The following ASIC2 variants were observed in gnomAD, a reference collection of about 807,000 sequenced individuals.
The protein encoded by ASIC2 is acid sensing ion channel subunit 2.
A neutral mutation model predicts 57.3 loss-of-function variants in ASIC2; 25 were observed. The observed-to-expected ratio is 0.44, with a 90% CI of 0.32 to 0.61. The LOEUF (loss-of-function observed/expected upper bound fraction) is 0.61, where lower values mean the gene tolerates loss of function less well. Ranked by LOEUF, ASIC2 falls within the 20% of genes least tolerant of loss-of-function variation. ASIC2 has a pLI of 0.06. For missense variants in ASIC2, 641 were observed against 738.1 expected (o/e 0.87, Z 1.52); for synonymous variants, 319 against 307.5 (o/e 1.04, Z -0.39).
intron 1 of ASIC2, among the ~76,000 whole-genome samples, chr17:33,446,631 T>C (rs1046655977): frequency 6.6e-6 from 1 of 152,194 alleles, no homozygotes; most frequent in Non-Finnish European, 1.5e-5. Flanking sequence ...GTTCTGTTTA[T>C]AAAACACTCT....
At chr17:33,685,383 A>G (rs984106154) in intron 1 of ASIC2, among the ~76,000 whole-genome samples, 1 of 152,088 alleles carries the variant, frequency 6.6e-6, no homozygotes, top group African/African-American at 2.4e-5. Context: ...CAACAGCCAG[A>G]AGGCTTCTGT....
At chr17:33,753,934 T>C (rs1304445415) in intron 1 of ASIC2, among the ~76,000 whole-genome samples, 2 of 152,206 alleles carry the variant, frequency 1.3e-5, no homozygotes, top group African/African-American at 4.8e-5. Flanking sequence ...ATCACACTAA[T>C]GCCTGTTGTT....
At chr17:33,150,919 A>G (rs60647462) in intron 1 of ASIC2, among the ~76,000 whole-genome samples, 32,749 of 148,664 alleles carry the variant, frequency 0.22, 3,856 homozygotes, top group African/African-American at 0.25. Flanking sequence ...AATCCCAGCT[A>G]TTCGGGAGGC....
chr17:33,582,484 T>C (rs1904476959), intron 1 of ASIC2, among the ~76,000 whole-genome samples: 1 of 151,984 alleles, frequency 6.6e-6, no homozygotes, highest in Admixed American at 6.6e-5. Flanking sequence ...CTAATCTCAG[T>C]TTGGTCTGCT....
At chr17:33,244,769 T>C (rs1192123956) in intron 1 of ASIC2, among the ~76,000 whole-genome samples, 2 of 152,200 alleles carry the variant, frequency 1.3e-5, no homozygotes, top group Non-Finnish European at 2.9e-5. Flanking sequence ...GTCTGACCAC[T>C]AACCCTGCCT....
intron 1 of ASIC2, among the ~76,000 whole-genome samples, chr17:33,698,911 G>GC (rs1417837662): frequency 2.0e-5 from 3 of 151,984 alleles, no homozygotes; most frequent in Admixed American, 1.3e-4. Context: ...AAACGCAGAT[G>GC]CCCCCCCTCT....
chr17:34,047,593 C>A (rs1209188573), intron 1 of ASIC2, among the ~76,000 whole-genome samples: 1 of 151,150 alleles, frequency 6.6e-6, no homozygotes, highest in East Asian at 1.9e-4. Context: ...TATATCCATG[C>A]CCTTTGCGGC....
At chr17:33,596,126 T>A (rs1904970829) in intron 1 of ASIC2, among the ~76,000 whole-genome samples, 1 of 152,156 alleles carries the variant, frequency 6.6e-6, no homozygotes, top group African/African-American at 2.4e-5. Context: ...ACCCGCCAAA[T>A]CTTGGAGCTC....
At chr17:33,995,348 C>A (rs1381442272) in intron 1 of ASIC2, among the ~76,000 whole-genome samples, 1 of 152,152 alleles carries the variant, frequency 6.6e-6, no homozygotes, top group Non-Finnish European at 1.5e-5. Flanking sequence ...GGCTTGAGAC[C>A]TGGAACCTGG....
Position 34,149,852 on chromosome 17 carries a change from T to C in ASIC2, c.555+6126A>G, listed in dbSNP as rs573156556. ...GGAAGTTCCTCAAAAAAATTAAAAA[T>C]AGAAGTACCATATGATCTAGCAATC... On this transcript the variant is annotated intron_variant, in intron 1 of 9. Transcript: ENST00000359872. Among the ~76,000 whole-genome samples, 275 of 152,228 alleles carry C rather than the reference T, an allele frequency of 1.8e-3. 1 individual carries two copies. The highest frequency in any genetic ancestry group is 6.5e-3 in the African/African-American group (269 of 41,538).
Position 34,016,348 on chromosome 17 carries a change from C to T in ASIC2, c.555+139630G>A, listed in dbSNP as rs571450559. 3.6e-5 allele frequency among the ~76,000 whole-genome samples: 5 copies of T among 138,694 alleles called. No individual in the cohort carries two copies. In the South Asian group the frequency reaches 7.0e-4, roughly 19 times the overall value. The allele number at this position is 138,694 out of a possible 152,430, so 91.0% of individuals were successfully genotyped here. A position where few individuals can be genotyped will look rare whatever the true frequency, so the allele number is the denominator to read the frequency against. On this transcript the variant is annotated intron_variant, in intron 1 of 9. Transcript: ENST00000359872. ...CTGAGGCAGGAGAACGGCGTGAACCCGGGAGGCGGAGCTTGCAGTGAGCTG... is the reference window on the plus strand; with the variant it reads ...CTGAGGCAGGAGAACGGCGTGAACCTGGGAGGCGGAGCTTGCAGTGAGCTG...
intron 1 of ASIC2, among the ~76,000 whole-genome samples, chr17:33,675,282 G>C (rs923073376): frequency 1.3e-5 from 2 of 152,110 alleles, no homozygotes; most frequent in African/African-American, 2.4e-5. Context: ...CTGGATTTGG[G>C]CATAGGCTCA....
intron 1 of ASIC2, among the ~76,000 whole-genome samples, chr17:34,023,479 G>T (rs1273529293): frequency 1.3e-5 from 2 of 152,032 alleles, no homozygotes. Context: ...ATTTGAATGT[G>T]TCCCCTCCAA....
At chr17:33,290,676 A>AT (rs1026503134) in intron 1 of ASIC2, 3 of 152,130 alleles carry the variant, frequency 2.0e-5, no homozygotes, top group Non-Finnish European at 4.4e-5. Flanking sequence ...CCACACTTAC[A>AT]TTTTATGGGG....
At chr17:33,115,983 C>T (rs1450165590) in intron 1 of ASIC2, among the ~76,000 whole-genome samples, 1 of 152,178 alleles carries the variant, frequency 6.6e-6, no homozygotes, top group Admixed American at 6.5e-5. Flanking sequence ...TGCCCAGCTC[C>T]CCTTCCCTCC....
chr17:33,595,418 T>G (rs1904951673), intron 1 of ASIC2, among the ~76,000 whole-genome samples: 1 of 152,228 alleles, frequency 6.6e-6, no homozygotes, highest in Non-Finnish European at 1.5e-5. Context: ...GGAGCCCGGT[T>G]GTTCTAAGGC....
chr17:33,373,985 A>AT (rs1312969207), intron 1 of ASIC2, among the ~76,000 whole-genome samples: 3 of 150,218 alleles, frequency 2.0e-5, no homozygotes, highest in East Asian at 2.0e-4. Context: ...GCTGTTCTTT[A>AT]TTTTTTATTT....
chr17:33,769,461 G>A (rs986300478), intron 1 of ASIC2, among the ~76,000 whole-genome samples: 7 of 152,196 alleles, frequency 4.6e-5, no homozygotes, highest in Admixed American at 1.3e-4. Flanking sequence ...CAGCAAAGGG[G>A]CCGAGAAAAT....
At chr17:33,213,559 C>T (rs381730) in intron 1 of ASIC2, among the ~76,000 whole-genome samples, 107,206 of 152,058 alleles carry the variant, frequency 0.71, 38,017 homozygotes, top group Non-Finnish European at 0.75. Context: ...GACCTAGGTT[C>T]CTGATAGCTT....
Sources: allele counts gnomAD v4.1 joint callset (sites outside exome capture counted in the v4.1 genomes callset), GRCh38; gene constraint gnomAD v4.1.1; transcripts MANE v1.5; gene names NCBI Gene and HGNC (gene_info 2026-07-23, HGNC 2026-07-21).